RAPGEF4: variants seen among roughly 807,000 people sequenced by gnomAD.
RAPGEF4 encodes RAP guanine-nucleotide-exchange factor (GEF) 4.
RAPGEF4 carries 66 observed loss-of-function variants against 147.9 expected under a neutral mutation model. The observed-to-expected ratio is 0.45, with a 90% confidence interval of 0.37 to 0.55. The LOEUF (loss-of-function observed/expected upper bound fraction) is 0.55, where lower values mean the gene tolerates loss of function less well. Ranked by LOEUF, RAPGEF4 falls within the 20% of genes least tolerant of loss-of-function variation. The probability of loss-of-function intolerance (pLI) is 0.00; values close to 1 mark genes in which losing one functional copy is unlikely to be tolerated. For synonymous variants in RAPGEF4, 419 were observed against 442.7 expected (o/e 0.95, Z 0.67); for missense variants, 1,071 against 1,257.3 (o/e 0.85, Z 2.24).
intron 2 of RAPGEF4, 53 bp from the exon 3 acceptor site, chr2:172,797,471 AT>A: frequency 6.9e-7 from 1 of 1,441,786 alleles, no homozygotes; most frequent in Non-Finnish European, 9.6e-7. Context: ...GGCAGATCAT[AT>A]AGTAAAACCA....
chr2:173,051,545 C>T (rs1559212554), intron 30 of RAPGEF4, 95 bp from the exon 31 acceptor site: 1 of 1,361,192 alleles, frequency 7.3e-7, no homozygotes, highest in Non-Finnish European at 1.0e-6. Context: ...AACCCAGGAA[C>T]CTATGATAAA....
chr2:172,804,363 G>A (rs1687270542), intron 3 of RAPGEF4, among the ~76,000 whole-genome samples: 1 of 152,106 alleles, frequency 6.6e-6, no homozygotes, highest in East Asian at 1.9e-4. Context: ...TGAATTTTTT[G>A]AATACTGGGT....
chr2:172,931,003 A>G (rs1289577617), intron 6 of RAPGEF4, among the ~76,000 whole-genome samples: 2 of 152,094 alleles, frequency 1.3e-5, no homozygotes, highest in Admixed American at 6.5e-5. Flanking sequence ...ATTCATTGTT[A>G]CAATCCATGT....
intron 5 of RAPGEF4, among the ~76,000 whole-genome samples, chr2:172,920,701 T>G (rs954731001): frequency 6.6e-6 from 1 of 152,194 alleles, no homozygotes; most frequent in Admixed American, 6.5e-5. Context: ...GCTACTCATA[T>G]ATGGTGATTT....
rs569740372 is a variant in RAPGEF4 at position 172,896,819 on chromosome 2, C to T, written c.445-20983C>T. ...ATATGCAAAGTTGTTCATCAGTTCA[C>T]TGTTGGGTTTTGTGTGCTTGGTTTC... On this transcript the variant is annotated intron_variant, in intron 4 of 30. Transcript: ENST00000397081. 2.6e-5 allele frequency among the ~76,000 whole-genome samples: 4 copies of T among 152,328 alleles called. No individual in the cohort carries two copies. In the South Asian group the frequency reaches 8.3e-4, roughly 32 times the overall value.
chr2:172,978,556 A>AT, intron 10 of RAPGEF4, among the ~76,000 whole-genome samples: 1 of 152,070 alleles, frequency 6.6e-6, no homozygotes, highest in East Asian at 1.9e-4. Context: ...TCCACTACTG[A>AT]GTGTGACAGG....
intron 1 of RAPGEF4, among the ~76,000 whole-genome samples, chr2:172,743,513 A>C (rs1225217090): frequency 6.6e-6 from 1 of 152,146 alleles, no homozygotes; most frequent in African/African-American, 2.4e-5. Flanking sequence ...TATCTTCTAG[A>C]CCAGATGTAT....
chr2:172,994,925 C>G (rs888864495), intron 15 of RAPGEF4, among the ~76,000 whole-genome samples: 11 of 152,018 alleles, frequency 7.2e-5, no homozygotes, highest in African/African-American at 1.9e-4. Context: ...AAAGACTTAA[C>G]TGTTTAGCTT....
intron 17 of RAPGEF4, among the ~76,000 whole-genome samples, chr2:173,011,146 A>C (rs1694960829): frequency 7.0e-6 from 1 of 143,240 alleles, no homozygotes. Context: ...AGCTGCGGGA[A>C]CCTTGGAACT....
At position 173,042,495 on chromosome 2, in the gene RAPGEF4, C is replaced by G. The variant is rs192055715; in HGVS notation, c.2853+5803C>G. ...AAAATTAGCCAGGCATGGTGGCGGG[C>G]GCCTGTAATCCCAGCTATTCAGGAG... On this transcript the variant is annotated intron_variant, in intron 29 of 30. Coordinates refer to ENST00000397081, the MANE Select transcript of RAPGEF4 (RefSeq NM_007023.4). The surrounding 1 kb of genome is among the most constrained non-coding windows in gnomAD (Gnocchi z 4.2). Among the ~76,000 whole-genome samples the G allele has an allele frequency of 1.3e-5, 2 of 151,986 alleles. No individual in the cohort carries two copies. Among genetic ancestry groups the G allele is most frequent in the African/African-American group, 4.8e-5 (2 of 41,380 alleles).
intron 4 of RAPGEF4, among the ~76,000 whole-genome samples, chr2:172,822,308 A>C (rs1169018708): frequency 6.6e-6 from 1 of 152,206 alleles, no homozygotes; most frequent in African/African-American, 2.4e-5. Context: ...AATTACATAC[A>C]TGTATTTTTC....
intron 1 of RAPGEF4, among the ~76,000 whole-genome samples, chr2:172,759,258 A>G (rs6745299): frequency 0.015 from 2,295 of 152,326 alleles, 57 homozygotes; most frequent in African/African-American, 0.049. Flanking sequence ...AGAAGCTGGC[A>G]GTACTAAAAA....
intron 1 of RAPGEF4, among the ~76,000 whole-genome samples, chr2:172,752,677 A>C (rs1695405886): frequency 6.6e-6 from 1 of 152,226 alleles, no homozygotes; most frequent in Non-Finnish European, 1.5e-5. Flanking sequence ...GATCATAAAT[A>C]AGGGAGCCTT....
intron 3 of RAPGEF4, among the ~76,000 whole-genome samples, chr2:172,808,036 A>G (rs1466344872): frequency 6.6e-6 from 1 of 152,242 alleles, no homozygotes; most frequent in East Asian, 1.9e-4. Context: ...TTTAAATTCC[A>G]TCAGAATACC....
intron 2 of RAPGEF4, among the ~76,000 whole-genome samples, chr2:172,796,554 T>C (rs767147020): frequency 1.3e-5 from 2 of 152,058 alleles, no homozygotes; most frequent in Non-Finnish European, 2.9e-5. Flanking sequence ...CATTGCACTC[T>C]GCGCTACTCT....
chr2:172,864,972 C>T (rs1199813687), intron 4 of RAPGEF4, among the ~76,000 whole-genome samples: 5 of 152,200 alleles, frequency 3.3e-5, no homozygotes, highest in South Asian at 2.1e-4. Context: ...CGGACATTGT[C>T]GTACTGGATA....
intron 5 of RAPGEF4, among the ~76,000 whole-genome samples, chr2:172,920,070 T>A (rs1001774212): frequency 1.3e-5 from 2 of 152,102 alleles, no homozygotes; most frequent in African/African-American, 4.8e-5. Context: ...CCCAAGACAT[T>A]TTTTACTTTT....
chr2:172,970,040 G>A (rs891465245), intron 10 of RAPGEF4, among the ~76,000 whole-genome samples: 6 of 152,122 alleles, frequency 3.9e-5, no homozygotes, highest in African/African-American at 1.2e-4. Flanking sequence ...TGCAAACGTT[G>A]GAATTGGGCT....
chr2:172,791,392 G>A (rs56059743), intron 1 of RAPGEF4, among the ~76,000 whole-genome samples: 4 of 152,240 alleles, frequency 2.6e-5, no homozygotes, highest in African/African-American at 7.2e-5. Context: ...GCCCTGTTTC[G>A]GGCACTGTAG....
Sources: allele counts gnomAD v4.1 joint callset (sites outside exome capture counted in the v4.1 genomes callset), GRCh38; gene constraint gnomAD v4.1.1; non-coding constraint Gnocchi (gnomAD v3.1); transcripts MANE v1.5; gene names NCBI Gene and HGNC (gene_info 2026-07-23, HGNC 2026-07-21).